Variants in ACSM5 observed in about 807,000 individuals in gnomAD.
The protein encoded by ACSM5 is acyl-coenzyme A synthetase ACSM5, mitochondrial.
Under a neutral mutation model 71.6 loss-of-function variants are expected in ACSM5, and 56 were observed. The observed-to-expected ratio is 0.78, with a 90% CI of 0.63 to 0.98. ACSM5 has a LOEUF of 0.98. Ranked by LOEUF, ACSM5 falls within the 50% of genes least tolerant of loss-of-function variation. ACSM5 has a pLI of 0.00. For synonymous variants in ACSM5, 285 were observed against 281.5 expected, an observed-to-expected ratio of 1.01 and a Z score of -0.12; for missense variants, 723 against 726.0, an observed-to-expected ratio of 1.00 and a Z score of 0.05.
intron 10 of ACSM5, among the ~76,000 whole-genome samples, chr16:20,432,844 A>ATTTTTTT (rs1567346831): frequency 1.7e-5 from 1 of 60,212 alleles, no homozygotes; most frequent in Non-Finnish European, 3.1e-5. Flanking sequence ...TTTCCAGATC[A>ATTTTTTT]TTCTTTTTTT....
At chr16:20,413,123 T>A (rs1174984743) in intron 2 of ACSM5, among the ~76,000 whole-genome samples, 1 of 152,198 alleles carries the variant, frequency 6.6e-6, no homozygotes, top group African/African-American at 2.4e-5. Flanking sequence ...GAATTGCATG[T>A]AAGACATGAA....
chr16:20,427,593 G>C (rs1344769144), intron 6 of ACSM5, among the ~76,000 whole-genome samples, 195 bp from the exon 7 acceptor site: 1 of 152,248 alleles, frequency 6.6e-6, no homozygotes, highest in Non-Finnish European at 1.5e-5. Flanking sequence ...TTTGGTATGA[G>C]GTGAGAGGGG....
intron 12 of ACSM5, among the ~76,000 whole-genome samples, chr16:20,438,615 C>T (rs1391555130): frequency 6.6e-6 from 1 of 151,758 alleles, no homozygotes; most frequent in African/African-American, 2.4e-5. Context: ...TGTGCTCAAA[C>T]TTAATCCATG....
At chr16:20,414,915 G>A (rs12447998) in intron 2 of ACSM5, among the ~76,000 whole-genome samples, 20,888 of 152,198 alleles carry the variant, frequency 0.14, 1,906 homozygotes, top group Middle Eastern at 0.29. Flanking sequence ...AACATTAAAG[G>A]CACAGATGAT....
chr16:20,411,816 A>G, intron 2 of ACSM5, 128 bp downstream of exon 2: 1 of 970,040 alleles, frequency 1.0e-6, no homozygotes, highest in Non-Finnish European at 1.5e-6. Context: ...TAGTTCTAAA[A>G]TGTAAACTGT....
At chr16:20,433,954 G>A (rs1283708403) in intron 10 of ACSM5, among the ~76,000 whole-genome samples, 5 of 151,486 alleles carry the variant, frequency 3.3e-5, no homozygotes, top group East Asian at 1.9e-4. Context: ...TATGATTACA[G>A]GCATGAGCCA....
chr16:20,429,485 G>A (rs556775262), intron 7 of ACSM5, among the ~76,000 whole-genome samples, 193 bp from the exon 8 acceptor site: 1 of 152,248 alleles, frequency 6.6e-6, no homozygotes, highest in Admixed American at 6.5e-5. Flanking sequence ...CAGATAGGAT[G>A]GATCTTTTAA....
intron 5 of ACSM5, among the ~76,000 whole-genome samples, chr16:20,423,321 G>A (rs1172237257): frequency 6.6e-6 from 1 of 152,186 alleles, no homozygotes; most frequent in East Asian, 1.9e-4. Flanking sequence ...TTCCATGTTT[G>A]CAGACACTGT....
At position 20,418,264 on chromosome 16, in the gene ACSM5, G is replaced by A. The variant is rs142598719; in HGVS notation, c.410G>A (p.Arg137Gln). ...TGGCTGGTCAGTGTGGCTTGCATGCGGACAGGTCAGTAAGCAGGGCTGGGA... is the reference window on the plus strand; with the variant it reads ...TGGCTGGTCAGTGTGGCTTGCATGCAGACAGGTCAGTAAGCAGGGCTGGGA... ...EWWLVSVACM[R>Q]TGTVMIPGVT... The change falls in exon 3 of 14, where the codon CGG (arginine) becomes CAG (glutamine). Residue 137 changes from arginine to glutamine, a missense_variant. Arg to Gln is a conservative substitution (Grantham distance 43, BLOSUM62 1). Transcript: ENST00000331849. 8.4e-5 allele frequency: 135 copies of A among 1,609,634 alleles called. No individual in the cohort carries two copies. The highest frequency in any genetic ancestry group is 1.8e-4 in the Admixed American group (11 of 59,842).
At chr16:20,418,440 T>G (rs61002937) in intron 3 of ACSM5, among the ~76,000 whole-genome samples, 171 bp downstream of exon 3, 2,500 of 152,152 alleles carry the variant, frequency 0.016, 50 homozygotes, top group African/African-American at 0.056. Flanking sequence ...GGCCAGACAA[T>G]GATGTAATTG....
In ACSM5 at chr16:20,418,154, G is replaced by C; in HGVS notation, c.300G>C (p.Arg100Ser). ...WSFEELGKQS[R>S]KAANVLGGAC... ...TTGAGGAGCTGGGGAAGCAGTCCAG[G>C]AAGGCAGCCAATGTGCTGGGGGGTG... Residue 100 changes from arginine (R) to serine (S), a missense_variant, in exon 3 of 14, where the codon AGG (arginine) becomes AGC (serine). Transcript: ENST00000331849. 1.9e-6 allele frequency: 3 copies of C among 1,613,622 alleles called. No homozygotes were observed. Among genetic ancestry groups the C allele is most frequent in the Non-Finnish European group, 2.5e-6 (3 of 1,179,916 alleles).
intron 2 of ACSM5, among the ~76,000 whole-genome samples, chr16:20,416,345 TAACC>T (rs1166548176): frequency 6.7e-6 from 1 of 150,156 alleles, no homozygotes; most frequent in Non-Finnish European, 1.5e-5. Flanking sequence ...AAAGTTACAG[TAACC>T]AAGACAGTGT....
chr16:20,440,110 T>C (rs1020928113), intron 13 of ACSM5, among the ~76,000 whole-genome samples, 191 bp downstream of exon 13: 1 of 151,578 alleles, frequency 6.6e-6, no homozygotes, highest in African/African-American at 2.4e-5. Flanking sequence ...TTGTTCCTAC[T>C]CTAAGAACAG....
At chr16:20,439,463 G>A (rs1289672673) in intron 12 of ACSM5, among the ~76,000 whole-genome samples, 2 of 151,768 alleles carry the variant, frequency 1.3e-5, no homozygotes, top group Non-Finnish European at 2.9e-5. Flanking sequence ...GAAGAAAATG[G>A]CCCTAGGAGT....
Position 20,437,157 on chromosome 16 carries a change from G to C in ACSM5, c.1414G>C (p.Asp472His), listed in dbSNP as rs140077005. The change falls in exon 11 of 14, where the codon GAC becomes CAC. Residue 472 changes from aspartate to histidine, a missense_variant. Transcript: ENST00000331849. ...CTACTTTTGGTTCATGGGAAGAAAC[G>C]ACGATGTGATCAATTCTTCAAGGTC... ...DGYFWFMGRN[D>H]DVINSSSYRI... is the part of the protein sequence containing the mutation. 6.2e-7 allele frequency: 1 copy of C among 1,614,164 alleles called. No homozygotes were observed.
intron 4 of ACSM5, chr16:20,419,704 A>G: frequency 2.0e-6 from 1 of 494,468 alleles, no homozygotes; most frequent in Non-Finnish European, 3.7e-6. Context: ...CATTCAGAGT[A>G]CATGAAATAA....
rs749400338 is a variant in ACSM5 at position 20,419,383 on chromosome 16, C to T, written c.571C>T (p.Leu191=). Residue 191 remains leucine, a synonymous_variant, in exon 4 of 14, where the codon CTG becomes TTG. Transcript: ENST00000331849. ...AECPSLQTKL[L]VSDSSRPGWL... ...ATGCCCCTCCCTCCAGACCAAGCTG[C>T]TGGTGTCAGACAGCAGTCGGCCAGG... 5.0e-6 allele frequency: 8 copies of T among 1,614,084 alleles called. No homozygotes were observed. In the African/African-American group the frequency reaches 9.3e-5, roughly 19 times the overall value.
At chr16:20,421,615 C>CTATATATATATATA (rs59443556) in intron 5 of ACSM5, among the ~76,000 whole-genome samples, 4 of 105,832 alleles carry the variant, frequency 3.8e-5, no homozygotes, top group African/African-American at 1.1e-4. Context: ...TAAATCGTGG[C>CTATATATATATATA]TATATATATA....
chr16:20,418,492 C>A (rs1966863389), intron 3 of ACSM5, among the ~76,000 whole-genome samples: 1 of 152,168 alleles, frequency 6.6e-6, no homozygotes, highest in African/African-American at 2.4e-5. Flanking sequence ...GTTGTGAGGA[C>A]TGCGGCAAAC....
Sources: gnomAD v4.1 joint callset for allele counts (sites outside exome capture counted in the v4.1 genomes callset) on GRCh38, gnomAD v4.1.1 for gene constraint, MANE v1.5 for transcripts, NCBI Gene and HGNC (gene_info 2026-07-23, HGNC 2026-07-21) for gene names.